The following PSRC1 variants were observed in gnomAD, a reference collection of about 807,000 sequenced individuals.
PSRC1 encodes the protein proline and serine rich coiled-coil 1.
A neutral mutation model predicts 31.9 loss-of-function variants in PSRC1; 30 were observed. The observed-to-expected ratio is 0.94, with a 90% CI of 0.70 to 1.28. The LOEUF (loss-of-function observed/expected upper bound fraction) is 1.28. Ranked by LOEUF, PSRC1 falls within the 50% of genes most tolerant of loss-of-function variation. The probability of loss-of-function intolerance (pLI) is 0.00; values close to 1 mark genes in which losing one functional copy is unlikely to be tolerated. For synonymous variants in PSRC1, 191 were observed against 192.1 expected, an observed-to-expected ratio of 0.99 and a Z score of 0.05; for missense variants, 481 against 472.8, an observed-to-expected ratio of 1.02 and a Z score of -0.16.
chr1:109,282,163 C>T, intron 3 of PSRC1, 103 bp from the exon 4 acceptor site: 1 of 1,083,460 alleles, frequency 9.2e-7, no homozygotes, highest in Middle Eastern at 2.1e-4. Context: ...AGGGACATGA[C>T]CCTAGGCCCC....
chr1:109,280,067 G>A lies in PSRC1; in HGVS notation c.*86C>T, dbSNP rs1656790218. 5.1e-6 allele frequency: 8 copies of A among 1,581,784 alleles called. No homozygotes were observed. In the East Asian group the frequency reaches 1.6e-4, roughly 31 times the overall value. On this transcript the variant is annotated 3_prime_UTR_variant, in exon 7 of 7. Transcript: ENST00000409138. ...TCCTGTCCCTGGGCCAGAATCTGCTGGAGTCAGGGTCTGCTGGGTAGAGGC... is the reference window on the plus strand; with the variant it reads ...TCCTGTCCCTGGGCCAGAATCTGCTAGAGTCAGGGTCTGCTGGGTAGAGGC...
At chr1:109,280,787 A>G in exon 5 of PSRC1, 1 of 1,569,076 alleles carries the variant, frequency 6.4e-7, no homozygotes, top group South Asian at 1.2e-5. Flanking sequence ...CCTTGTGTCC[A>G]CTTTCCCGCA....
chr1:109,281,673 C>A, exon 4 of PSRC1: 2 of 1,614,094 alleles, frequency 1.2e-6, no homozygotes, highest in Non-Finnish European at 1.7e-6. Context: ...CCCTGACTGA[C>A]CCCTTCCTAT....
In PSRC1 at chr1:109,280,405, C is replaced by T. The variant is rs1324345685; in HGVS notation, c.1079G>A (p.Gly360Glu). 10 of 1,611,008 alleles carry T rather than the reference C, an allele frequency of 6.2e-6. No homozygotes were observed. Among genetic ancestry groups the T allele is most frequent in the Non-Finnish European group, 8.5e-6 (10 of 1,178,196 alleles). Reference sequence around the variant, plus strand: ...GGAGGACCAGACTGACCTGGTAGGTCCTGGGACTGCCACTTTCCTGGGGGG... The same window carrying T: ...GGAGGACCAGACTGACCTGGTAGGTTCTGGGACTGCCACTTTCCTGGGGGG... Residue 360 changes from glycine (G) to glutamate (E), a missense_variant, in exon 6 of 7, where the codon GGA becomes GAA. Transcript: ENST00000409138.
chr1:109,281,701 G>C (rs919643254), exon 4 of PSRC1: 1 of 1,613,912 alleles, frequency 6.2e-7, no homozygotes, highest in African/African-American at 1.3e-5. Flanking sequence ...CCGGAGTCGA[G>C]GCGTCAGGCT....
chr1:109,282,059 G>T, exon 4 of PSRC1: 2 of 1,485,040 alleles, frequency 1.3e-6, no homozygotes, highest in Non-Finnish European at 1.8e-6. Flanking sequence ...TCCTCCTCAC[G>T]GCTGAGACAG....
intron 3 of PSRC1, 157 bp downstream of exon 3, chr1:109,282,361 A>G: frequency 3.0e-6 from 2 of 667,692 alleles, no homozygotes; most frequent in South Asian, 3.7e-5. Flanking sequence ...CCCCGCTACC[A>G]ATAGTGTCAT....
rs1286650900 is a variant in PSRC1 at position 109,280,771 on chromosome 1, T to G, written c.994+6A>C. 1.9e-6 allele frequency: 3 copies of G among 1,557,580 alleles called. No individual in the cohort carries two copies. The highest frequency in any genetic ancestry group is 1.7e-6 in the Non-Finnish European group (2 of 1,146,256). On this transcript the variant is annotated splice_donor_region_variant and intron_variant, in intron 5 of 6. Coordinates refer to ENST00000409138, the Ensembl canonical transcript of PSRC1. ...AGGGCGGGCATTCTTCCTCCTGACCTCTTACCCTTGTGTCCACTTTCCCGC... is the reference window on the plus strand; with the variant it reads ...AGGGCGGGCATTCTTCCTCCTGACCGCTTACCCTTGTGTCCACTTTCCCGC...
intron 1 of PSRC1, 160 bp from the exon 2 acceptor site, chr1:109,282,896 C>A (rs1324930621): frequency 4.6e-6 from 3 of 658,712 alleles, no homozygotes; most frequent in Non-Finnish European, 7.8e-6. Flanking sequence ...GGGAACGATA[C>A]GGAGGGCTCC....
At position 109,281,271 on chromosome 1, in the gene PSRC1, A is replaced by AG. The variant is rs778116116; in HGVS notation, c.520-21dup. On this transcript the variant is annotated intron_variant, in intron 4 of 6. Coordinates refer to ENST00000409138, the Ensembl canonical transcript of PSRC1. The stretch of plus-strand genomic sequence containing the variant: ...TGACTCCTGAAACACAAAGAGAGAG[A>AG]GAAAAAAGACTAGAGTGGAAAAAAT... 1 of 1,543,200 alleles carries AG rather than the reference A, an allele frequency of 6.5e-7. No individual in the cohort carries two copies.
In PSRC1 at chr1:109,281,720, AG is replaced by A; in HGVS notation, c.417del (p.Ser140ProfsTer5). 1 of 1,613,724 alleles carries A rather than the reference AG, an allele frequency of 6.2e-7. No homozygotes were observed. The highest frequency in any genetic ancestry group is 8.5e-7 in the Non-Finnish European group (1 of 1,179,938). On this transcript the variant is annotated frameshift_variant, in exon 4 of 7. Coordinates refer to ENST00000409138, the Ensembl canonical transcript of PSRC1. LOFTEE classifies it high-confidence loss of function. The stretch of plus-strand genomic sequence containing the variant: ...AGTCGAGGCGTCAGGCTGCTTGGGG[AG>A]GGGGTGCTCCGCGTCAAAGAGTTCA...
In PSRC1 at chr1:109,281,193, G is replaced by T. The variant is rs540425626; in HGVS notation, c.578C>A (p.Thr193Asn). Residue 193 changes from threonine (T) to asparagine (N), a missense_variant, in exon 5 of 7, where the codon ACC (threonine) becomes AAC (asparagine). Thr to Asn is a moderately conservative substitution (Grantham distance 65, BLOSUM62 0). Coordinates refer to ENST00000409138, the Ensembl canonical transcript of PSRC1. ...CCCCCGGACTGGGGGAGTCGATCGG[G>T]TAAGAGGAGAAGATGCTGGGCTTTT... 7 of 1,613,484 alleles carry T rather than the reference G, an allele frequency of 4.3e-6. No homozygotes were observed. The African/African-American group carries it at 8.0e-5, about 18-fold the overall frequency.
intron 1 of PSRC1, 36 bp from the exon 2 acceptor site, chr1:109,282,772 T>C: frequency 6.5e-7 from 1 of 1,547,198 alleles, no homozygotes; most frequent in African/African-American, 1.4e-5. Flanking sequence ...AGGTATCCAT[T>C]CTGCCCAAGG....
rs1325020885 is a variant in PSRC1, at chr1:109,281,320, T to C, written c.520-69A>G. 4.5e-6 allele frequency: 6 copies of C among 1,340,848 alleles called. No individual in the cohort carries two copies. The Admixed American group carries it at 1.6e-4, about 36-fold the overall frequency. The allele number at this position is 1,340,848 out of a possible 1,614,324, so 83.1% of individuals were successfully genotyped here. The stretch of plus-strand genomic sequence containing the variant: ...ATATCTGTTCTGTGGCTTAAGGAAT[T>C]AAGAAATAGAGGTGGAGAGTTGTCT... On this transcript the variant is annotated intron_variant, in intron 4 of 6. Coordinates refer to ENST00000409138, the Ensembl canonical transcript of PSRC1.
At position 109,281,004 on chromosome 1, in the gene PSRC1, G is replaced by A; in HGVS notation, c.767C>T (p.Ser256Phe). ...GGGCAGGCGTTGAGAGTTGCTGGTA[G>A]AAGGCTGTGGGGCCAGGACGGATCT... is the stretch of plus-strand genomic sequence containing the variant. Residue 256 changes from serine to phenylalanine, a missense_variant, in exon 5 of 7, where the codon TCT becomes TTT. By Grantham distance (155) the Ser-to-Phe change is radical (BLOSUM62 -2). Coordinates refer to ENST00000409138, the Ensembl canonical transcript of PSRC1. 4 of 1,609,494 alleles carry A rather than the reference G, an allele frequency of 2.5e-6. No homozygotes were observed. The South Asian group carries it at 4.4e-5, about 18-fold the overall frequency.
chr1:109,279,788 A>C lies in PSRC1; in HGVS notation c.*365T>G, dbSNP rs545342248. ...AGCTACGGAGGCCGCTCACGTGGAA[A>C]TGTCCAGTGAACCAATGCCAAGGAA... On this transcript the variant is annotated 3_prime_UTR_variant, in exon 7 of 7. Transcript: ENST00000409138. The C allele has an allele frequency of 2.1e-5, 6 of 279,240 alleles. No individual in the cohort carries two copies. In the South Asian group the frequency reaches 5.0e-4, roughly 23 times the overall value. 17.3% of individuals were successfully genotyped at this position (279,240 alleles called of 1,614,324 possible).
At chr1:109,280,414 G>A in exon 6 of PSRC1, 15 of 1,612,040 alleles carry the variant, frequency 9.3e-6, no homozygotes, top group Non-Finnish European at 1.3e-5. Context: ...TCCTGGGACT[G>A]CCACTTTCCT....
chr1:109,281,732 G>A (rs140599325), exon 4 of PSRC1: 29 of 1,613,818 alleles, frequency 1.8e-5, no homozygotes, highest in Middle Eastern at 1.6e-4. Flanking sequence ...GGGGTGCTCC[G>A]CGTCAAAGAG....
intron 5 of PSRC1, 104 bp from the exon 7 acceptor site, chr1:109,280,593 T>C: frequency 9.6e-7 from 1 of 1,038,318 alleles, no homozygotes; most frequent in Non-Finnish European, 1.4e-6. Flanking sequence ...ACTCTCCCCC[T>C]GACCATGAGG....
Sources: allele counts gnomAD v4.1 joint callset, GRCh38; gene constraint gnomAD v4.1.1; transcripts MANE v1.5; gene names NCBI Gene and HGNC (gene_info 2026-07-23, HGNC 2026-07-21).